The following COL4A2 variants were observed in gnomAD, a reference collection of about 807,000 sequenced individuals.
COL4A2 encodes collagen alpha-2(IV) chain.
Under a neutral mutation model 200.2 loss-of-function variants are expected in COL4A2, and 99 were observed. The ratio of observed to expected loss-of-function variants is 0.49; its 90% CI spans 0.42 to 0.58. The LOEUF (loss-of-function observed/expected upper bound fraction) is 0.58. Ranked by LOEUF, COL4A2 falls within the 20% of genes least tolerant of loss-of-function variation. The probability of loss-of-function intolerance (pLI) is 0.00; values close to 1 mark genes in which losing one functional copy is unlikely to be tolerated. For synonymous variants in COL4A2, 897 were observed against 900.6 expected (o/e 1.00, Z 0.07); for missense variants, 1,950 against 2,314.1 (o/e 0.84, Z 3.23).
rs1420870361 is a variant in COL4A2, at chr13:110,495,333, C to T, written c.3635-9C>T. On this transcript the variant is annotated splice_polypyrimidine_tract_variant and intron_variant, in intron 39 of 47. Coordinates refer to ENST00000360467, the MANE Select transcript of COL4A2 (RefSeq NM_001846.4). ...ACCGACATCAGCTGCTGTTATAACT[C>T]TTCCACAGGTTCTGACATCCACGGA... 1 of 1,614,150 alleles carries T rather than the reference C, an allele frequency of 6.2e-7. No homozygotes were observed. Among genetic ancestry groups the T allele is most frequent in the Non-Finnish European group, 8.5e-7 (1 of 1,180,024 alleles).
chr13:110,473,513 A>G (rs1402283219), intron 29 of COL4A2: 1 of 238,954 alleles, frequency 4.2e-6, no homozygotes, highest in Non-Finnish European at 8.0e-6. Context: ...GGCCATGCTT[A>G]GTCAGAGGTG....
chr13:110,430,427 C>T lies in COL4A2; in HGVS notation c.576C>T (p.Val192=), dbSNP rs190117538. The change falls in exon 9 of 48, where the codon GTC becomes GTT. Residue 192 remains valine, a synonymous_variant. Transcript: ENST00000360467. ...GTGAACCTGGAGAGCCTGGATTGGT[C>T]GGTTTCCAGGTAAGTTTATTTTTAT... ...YRGEPGEPGL[V]GFQGPPGRPG... 518 of 1,614,072 alleles carry T rather than the reference C, an allele frequency of 3.2e-4. 1 individual carries two copies. The African/African-American group carries it at 5.8e-3, about 18-fold the overall frequency.
chr13:110,374,948 C>T (rs1878174562), intron 4 of COL4A2, among the ~76,000 whole-genome samples: 1 of 111,220 alleles, frequency 9.0e-6, no homozygotes, highest in African/African-American at 3.4e-5. Flanking sequence ...AATTAATCTC[C>T]TTAGAGGATT....
intron 3 of COL4A2, among the ~76,000 whole-genome samples, chr13:110,309,144 C>T (rs1884903845): frequency 6.6e-6 from 1 of 152,186 alleles, no homozygotes; most frequent in Admixed American, 6.5e-5. Context: ...CATCGTTCTG[C>T]CCTGATGTAA....
chr13:110,371,186 C>A (rs1292744277), intron 4 of COL4A2, among the ~76,000 whole-genome samples: 1 of 152,190 alleles, frequency 6.6e-6, no homozygotes, highest in Non-Finnish European at 1.5e-5. Flanking sequence ...ACTCTGCATC[C>A]TTTCCTAGCA....
chr13:110,364,642 C>A (rs1453498167), intron 4 of COL4A2, among the ~76,000 whole-genome samples: 2 of 152,140 alleles, frequency 1.3e-5, no homozygotes, highest in African/African-American at 2.4e-5. Flanking sequence ...AATATATAAG[C>A]CCAATAGGTC....
intron 24 of COL4A2, among the ~76,000 whole-genome samples, chr13:110,464,861 C>G (rs1028481131): frequency 3.9e-5 from 6 of 152,088 alleles, no homozygotes; most frequent in Non-Finnish European, 2.9e-5. Flanking sequence ...CCCACCAGCT[C>G]CCCCCCGCAC....
chr13:110,501,845 C>T (rs901284405), intron 41 of COL4A2, 61 bp downstream of exon 41: 15 of 1,490,692 alleles, frequency 1.0e-5, no homozygotes, highest in African/African-American at 7.0e-5. Flanking sequence ...GGCAATGGCC[C>T]GCTTAATGTA....
chr13:110,372,342 G>A (rs1878048509), intron 4 of COL4A2, among the ~76,000 whole-genome samples: 1 of 152,156 alleles, frequency 6.6e-6, no homozygotes, highest in African/African-American at 2.4e-5. Context: ...ACCAAGTCAG[G>A]TGACCCGTTT....
In COL4A2 at chr13:110,501,417, C is replaced by G. The variant is rs530631651; in HGVS notation, c.3761-251C>G. On this transcript the variant is annotated intron_variant, in intron 40 of 47. Coordinates refer to ENST00000360467, the MANE Select transcript of COL4A2 (RefSeq NM_001846.4). Reference sequence around the variant, plus strand: ...GAAGTCGAGCACAGGCAGACAGGATCCCAGTGGAGGGCTCCTCACAGGAGA... The same window carrying G: ...GAAGTCGAGCACAGGCAGACAGGATGCCAGTGGAGGGCTCCTCACAGGAGA... Among the ~76,000 whole-genome samples the G allele has an allele frequency of 3.9e-5, 6 of 152,292 alleles. No individual in the cohort carries two copies. In the South Asian group the frequency reaches 1.2e-3, roughly 32 times the overall value.
At chr13:110,405,446 C>A (rs977912857) in intron 4 of COL4A2, among the ~76,000 whole-genome samples, 1 of 152,190 alleles carries the variant, frequency 6.6e-6, no homozygotes, top group Non-Finnish European at 1.5e-5. Context: ...GGCCCCCACC[C>A]CTTCCTGCCC....
At chr13:110,324,452 G>A (rs1885353353) in intron 3 of COL4A2, among the ~76,000 whole-genome samples, 2 of 152,214 alleles carry the variant, frequency 1.3e-5, no homozygotes, top group Non-Finnish European at 2.9e-5. Flanking sequence ...CAAGGAGAGG[G>A]ATCTGAGTCC....
At chr13:110,322,389 G>C (rs1421440105) in intron 3 of COL4A2, among the ~76,000 whole-genome samples, 2 of 152,214 alleles carry the variant, frequency 1.3e-5, no homozygotes, top group East Asian at 3.9e-4. Flanking sequence ...CCGGGTGTCT[G>C]GGTGGGAAGC....
chr13:110,394,468 G>A (rs925456821), intron 4 of COL4A2, among the ~76,000 whole-genome samples: 3 of 152,158 alleles, frequency 2.0e-5, no homozygotes, highest in African/African-American at 7.2e-5. Flanking sequence ...TCCTGGTAGC[G>A]CCATCATACC....
At chr13:110,368,297 T>G (rs185377365) in intron 4 of COL4A2, among the ~76,000 whole-genome samples, 1 of 152,300 alleles carries the variant, frequency 6.6e-6, no homozygotes, top group Non-Finnish European at 1.5e-5. Flanking sequence ...AGGCCTCAAG[T>G]CATTAAAGGT....
intron 27 of COL4A2, among the ~76,000 whole-genome samples, chr13:110,467,441 C>T (rs143122124): frequency 0.019 from 2,903 of 152,344 alleles, 41 homozygotes; most frequent in Non-Finnish European, 0.023. Flanking sequence ...CTTTCCATCC[C>T]AGGATCTAGG....
intron 29 of COL4A2, among the ~76,000 whole-genome samples, chr13:110,476,344 G>A (rs561093949): frequency 3.3e-5 from 5 of 152,334 alleles, no homozygotes; most frequent in African/African-American, 1.2e-4. Context: ...AAATAGAAGT[G>A]TCCTCATTTC....
At chr13:110,486,784 G>C (rs1399446947) in intron 34 of COL4A2, among the ~76,000 whole-genome samples, 1 of 152,098 alleles carries the variant, frequency 6.6e-6, no homozygotes, top group Non-Finnish European at 1.5e-5. Flanking sequence ...GGGCAGGAGT[G>C]GGGGTCACAA....
intron 3 of COL4A2, among the ~76,000 whole-genome samples, chr13:110,317,177 T>G (rs1885156566): frequency 6.9e-6 from 1 of 144,574 alleles, no homozygotes; most frequent in African/African-American, 2.6e-5. Context: ...CACATGCACA[T>G]AGACACAGAG....
Sources: allele counts gnomAD v4.1 joint callset (sites outside exome capture counted in the v4.1 genomes callset), GRCh38; gene constraint gnomAD v4.1.1; transcripts MANE v1.5; gene names NCBI Gene and HGNC (gene_info 2026-07-23, HGNC 2026-07-21).